THADA: variants seen among roughly 807,000 people sequenced by gnomAD.
THADA encodes THADA armadillo repeat containing, also known as tRNA (32-2'-O)-methyltransferase regulator THADA.
A neutral mutation model predicts 219.8 loss-of-function variants in THADA; 213 were observed. The observed-to-expected ratio is 0.97, with a 90% CI of 0.87 to 1.09. THADA has a LOEUF of 1.09. Among genes scored for constraint, THADA ranks in the 50% least tolerant of loss-of-function variants. The pLI, the probability that THADA is intolerant of heterozygous loss-of-function variation, is 0.00. For missense variants in THADA, 2,956 were observed against 2,311.3 expected (o/e 1.28, Z -5.72); for synonymous variants, 1,018 against 828.9 (o/e 1.23, Z -3.92).
chr2:43,368,485 C>A (rs1670425119), intron 29 of THADA, among the ~76,000 whole-genome samples: 1 of 152,094 alleles, frequency 6.6e-6, no homozygotes, highest in Non-Finnish European at 1.5e-5. Flanking sequence ...CAGCCTTGAT[C>A]TCCTGGACTC....
chr2:43,285,868 C>T (rs1447680715), intron 35 of THADA, among the ~76,000 whole-genome samples: 8 of 152,094 alleles, frequency 5.3e-5, no homozygotes, highest in Admixed American at 5.2e-4. Flanking sequence ...TTCTTTATAG[C>T]AGTGTGAGAA....
At chr2:43,487,892 G>A (rs1371799957) in intron 25 of THADA, among the ~76,000 whole-genome samples, 1 of 152,168 alleles carries the variant, frequency 6.6e-6, no homozygotes, top group Non-Finnish European at 1.5e-5. Flanking sequence ...AAGGGACTAA[G>A]ATATCCCTTA....
intron 22 of THADA, among the ~76,000 whole-genome samples, chr2:43,510,596 C>T (rs1436934121): frequency 6.6e-6 from 1 of 150,692 alleles, no homozygotes; most frequent in African/African-American, 2.4e-5. Context: ...ATCCAAATTC[C>T]TAAGAGTAAT....
Position 43,469,557 on chromosome 2 carries a change from T to C in THADA, c.3836+15677A>G, listed in dbSNP as rs151124673. Among the ~76,000 whole-genome samples the C allele has an allele frequency of 7.4e-4, 112 of 152,288 alleles. 1 individual carries two copies. In the East Asian group the frequency reaches 0.018, roughly 25 times the overall value. ...CACTACTAGGAAGACTATACATAAC[T>C]GGTAAATTTGTAAACTGATATAATC... is the stretch of plus-strand genomic sequence containing the variant. On this transcript the variant is annotated intron_variant, in intron 26 of 37. Coordinates refer to ENST00000405975, the MANE Select transcript of THADA (RefSeq NM_022065.5).
chr2:43,359,427 C>T (rs1288028764), intron 29 of THADA, among the ~76,000 whole-genome samples: 1 of 152,224 alleles, frequency 6.6e-6, no homozygotes, highest in African/African-American at 2.4e-5. Flanking sequence ...TGCCGGTAAT[C>T]CCAGGACTTT....
intron 36 of THADA, among the ~76,000 whole-genome samples, chr2:43,246,312 T>C (rs1254531083): frequency 2.0e-5 from 3 of 152,172 alleles, no homozygotes; most frequent in African/African-American, 4.8e-5. Flanking sequence ...CTGGCCAACA[T>C]GGCGAAACCC....
In THADA at chr2:43,571,798, T is replaced by C. The variant is rs1212668234; in HGVS notation, c.1973A>G (p.Glu658Gly). ...SNRSTEIVSM[E>G]EMQWIQFFIT... ...AAAGAACTGAATCCACTGCATTTCT[T>C]CCATGGAAACAATTTCTGTGCTCCG... Residue 658 changes from glutamate to glycine, a missense_variant, in exon 13 of 38, where the codon GAA becomes GGA. Physicochemically the swap from Glu to Gly is moderately conservative, Grantham distance 98 (BLOSUM62 -2). Coordinates refer to ENST00000405975, the MANE Select transcript of THADA (RefSeq NM_022065.5). 6.2e-7 allele frequency: 1 copy of C among 1,613,948 alleles called. No homozygotes were observed. Among genetic ancestry groups the C allele is most frequent in the Admixed American group, 1.7e-5 (1 of 60,026 alleles).
intron 26 of THADA, among the ~76,000 whole-genome samples, chr2:43,463,504 T>C (rs1346921249): frequency 1.3e-5 from 2 of 152,226 alleles, no homozygotes; most frequent in African/African-American, 4.8e-5. Context: ...AGCTGTTCTA[T>C]CTGAAGGAAA....
chr2:43,346,678 A>G (rs1396571883), intron 29 of THADA, among the ~76,000 whole-genome samples: 1 of 152,206 alleles, frequency 6.6e-6, no homozygotes, highest in East Asian at 1.9e-4. Flanking sequence ...GTCAACAAAT[A>G]TTTATTAAAC....
intron 28 of THADA, among the ~76,000 whole-genome samples, chr2:43,424,530 A>C (rs1218164730): frequency 1.3e-5 from 2 of 152,188 alleles, no homozygotes; most frequent in South Asian, 2.1e-4. Context: ...TCTTTACCAC[A>C]ATCAGAACCA....
rs1018826393 is a variant in THADA, at chr2:43,505,555, T to C, written c.3621+67A>G. ...GGTAACAAGACGGTAACAGCCGTCT[T>C]GAAAAAAGTGAAAAACAAAACAAAA... On this transcript the variant is annotated intron_variant, in intron 24 of 37. Coordinates refer to ENST00000405975, the MANE Select transcript of THADA (RefSeq NM_022065.5). The C allele has an allele frequency of 4.0e-6, 5 of 1,240,016 alleles. No homozygotes were observed. In the African/African-American group the frequency reaches 6.1e-5, roughly 15 times the overall value. 76.8% of individuals were successfully genotyped at this position (1,240,016 alleles called of 1,614,324 possible). A position where few individuals can be genotyped will look rare whatever the true frequency, so the allele number is the denominator to read the frequency against.
At chr2:43,381,508 A>G (rs1672023908) in intron 29 of THADA, among the ~76,000 whole-genome samples, 1 of 152,162 alleles carries the variant, frequency 6.6e-6, no homozygotes, top group Non-Finnish European at 1.5e-5. Flanking sequence ...AGAGGAGAGA[A>G]GCTCTATAGT....
chr2:43,428,489 C>T (rs1201018579), intron 27 of THADA, among the ~76,000 whole-genome samples: 1 of 152,142 alleles, frequency 6.6e-6, no homozygotes, highest in African/African-American at 2.4e-5. Flanking sequence ...CCTGTAATTC[C>T]AGCTACTCGG....
chr2:43,539,944 C>G (rs1038339243), intron 21 of THADA, among the ~76,000 whole-genome samples: 1 of 152,128 alleles, frequency 6.6e-6, no homozygotes, highest in Admixed American at 6.5e-5. Context: ...GCTTTCACGT[C>G]TTAGTTACAG....
In THADA at chr2:43,572,781, C is replaced by T. The variant is rs758990713; in HGVS notation, c.1908+33G>A. 1.9e-6 allele frequency: 3 copies of T among 1,600,028 alleles called. No homozygotes were observed. In the South Asian group the frequency reaches 3.4e-5, roughly 18 times the overall value. On this transcript the variant is annotated intron_variant, in intron 12 of 37. Coordinates refer to ENST00000405975, the MANE Select transcript of THADA (RefSeq NM_022065.5). ...ACTGCTACATGAAAGGGATCTACTGCATGTACAAATCCAGGTAATTTTCTT... is the reference window on the plus strand; with the variant it reads ...ACTGCTACATGAAAGGGATCTACTGTATGTACAAATCCAGGTAATTTTCTT...
chr2:43,497,671 G>C (rs1306016997), intron 25 of THADA, among the ~76,000 whole-genome samples: 2 of 152,198 alleles, frequency 1.3e-5, no homozygotes, highest in Non-Finnish European at 2.9e-5. Flanking sequence ...CAGATCACGA[G>C]GTCAGGAGTT....
chr2:43,509,434 AAC>A (rs1690112047), intron 22 of THADA, among the ~76,000 whole-genome samples: 1 of 152,248 alleles, frequency 6.6e-6, no homozygotes, highest in Non-Finnish European at 1.5e-5. Context: ...TAGACTGTAT[AAC>A]ATTGCCCAAG....
At chr2:43,495,330 A>C (rs1458073223) in intron 25 of THADA, among the ~76,000 whole-genome samples, 3 of 152,100 alleles carry the variant, frequency 2.0e-5, no homozygotes, top group Non-Finnish European at 4.4e-5. Flanking sequence ...TTCCTTCATA[A>C]AGTGTTAAAA....
chr2:43,285,560 T>C (rs2104337670), intron 35 of THADA, among the ~76,000 whole-genome samples: 1 of 151,728 alleles, frequency 6.6e-6, no homozygotes, highest in Admixed American at 6.6e-5. Context: ...TTACCCAGTC[T>C]CAGGTAGTTT....
Sources: gnomAD v4.1 joint callset for allele counts (sites outside exome capture counted in the v4.1 genomes callset) on GRCh38, gnomAD v4.1.1 for gene constraint, MANE v1.5 for transcripts, NCBI Gene and HGNC (gene_info 2026-07-23, HGNC 2026-07-21) for gene names.